Variants in CLIP1 observed in about 807,000 individuals in gnomAD.
CLIP1 encodes the protein CAP-Gly domain-containing linker protein 1.
In CLIP1, 66 loss-of-function variants were observed where a neutral mutation model predicts 161.6. The observed-to-expected ratio is 0.41, with a 90% CI of 0.33 to 0.50. CLIP1 has a LOEUF of 0.50. Among genes scored for constraint, CLIP1 ranks in the 20% least tolerant of loss-of-function variants. The pLI, the probability that CLIP1 is intolerant of heterozygous loss-of-function variation, is 0.27. For missense variants in CLIP1, 1,376 were observed against 1,702.0 expected (o/e 0.81, Z 3.37); for synonymous variants, 598 against 626.2 (o/e 0.96, Z 0.67).
chr12:122,362,789 A>AG (rs1298465133), intron 4 of CLIP1, among the ~76,000 whole-genome samples: 1 of 148,696 alleles, frequency 6.7e-6, no homozygotes, highest in East Asian at 2.0e-4. Context: ...ACGGCATTGG[A>AG]GGGAAAAAAA....
At chr12:122,400,290 A>T (rs1318154013) in intron 1 of CLIP1, 1 of 152,138 alleles carries the variant, frequency 6.6e-6, no homozygotes, top group African/African-American at 2.4e-5. Context: ...ATTTTCTTCA[A>T]TTCTTGAGTA....
Position 122,380,427 on chromosome 12 carries a change from A to G in CLIP1, c.26T>C (p.Leu9Pro). 6.2e-7 allele frequency: 1 copy of G among 1,613,450 alleles called. No individual in the cohort carries two copies. Among genetic ancestry groups the G allele is most frequent in the Non-Finnish European group, 8.5e-7 (1 of 1,179,638 alleles). The change falls in exon 2 of 26, where the codon CTT becomes CCT. Residue 9 changes from leucine to proline, a missense_variant. By Grantham distance (98) the Leu-to-Pro change is moderately conservative (BLOSUM62 -3). Around this residue, in one of 6 missense-constraint regions of CLIP1, gnomAD observed 66 missense variants for 67.8 expected, o/e 0.97. Coordinates refer to ENST00000620786, the MANE Select transcript of CLIP1 (RefSeq NM_001247997.2). ...CTTCAGGATCTTGGTGGGGGCCTTA[A>G]GCCCACTTGGCTTTAGCATACTCAT... Reference protein sequence around the residue: MSMLKPSGLKAPTKILKPG... With the variant: MSMLKPSGPKAPTKILKPG...
intron 20 of CLIP1, among the ~76,000 whole-genome samples, chr12:122,296,451 G>C (rs907935190): frequency 3.3e-5 from 5 of 152,130 alleles, no homozygotes; most frequent in Non-Finnish European, 7.4e-5. Flanking sequence ...ATATGCATTT[G>C]CATATGCTGG....
chr12:122,332,618 G>A (rs527443505), intron 15 of CLIP1, among the ~76,000 whole-genome samples: 71 of 152,052 alleles, frequency 4.7e-4, no homozygotes, highest in Non-Finnish European at 8.2e-4. Flanking sequence ...ACAAGGTTTC[G>A]CCATGTTGGC....
At chr12:122,401,389 G>A (rs949885620) in intron 1 of CLIP1, among the ~76,000 whole-genome samples, 1 of 152,182 alleles carries the variant, frequency 6.6e-6, no homozygotes, top group African/African-American at 2.4e-5. Context: ...ATAAAAAGTA[G>A]GTCAATGGGC....
Position 122,311,510 on chromosome 12 carries a change from C to T in CLIP1, c.3474-1628G>A, listed in dbSNP as rs1281647417. On this transcript the variant is annotated intron_variant, in intron 19 of 25. Coordinates refer to ENST00000620786, the MANE Select transcript of CLIP1 (RefSeq NM_001247997.2). This position sits in a 1 kb window ranked among gnomAD's most constrained non-coding sequence, Gnocchi z 4.3. The stretch of plus-strand genomic sequence containing the variant: ...CACGAACTCGGCTCACTGCAAGCTC[C>T]ACCTCCCAGGTTCACGCCATTCTCC... Among the ~76,000 whole-genome samples the T allele has an allele frequency of 1.3e-5, 2 of 151,980 alleles. No individual in the cohort carries two copies. The highest frequency in any genetic ancestry group is 6.6e-5 in the Admixed American group (1 of 15,254).
chr12:122,420,321 G>A (rs1173257578), intron 1 of CLIP1, among the ~76,000 whole-genome samples: 2 of 151,586 alleles, frequency 1.3e-5, no homozygotes, highest in African/African-American at 4.9e-5. Context: ...CTCCAGCCTA[G>A]GCAACAAGAG....
In CLIP1 at chr12:122,336,758, A is replaced by G. The variant is rs1211641792; in HGVS notation, c.2452-10T>C. On this transcript the variant is annotated splice_polypyrimidine_tract_variant and intron_variant, in intron 11 of 25. Transcript: ENST00000620786. ...TGGTAATGCTACTAGCCTAACACAC[A>G]GTGTTACATGGTATAGAAGCAAATG... is the stretch of plus-strand genomic sequence containing the variant. 3 of 1,287,346 alleles carry G rather than the reference A, an allele frequency of 2.3e-6. No homozygotes were observed. The highest frequency in any genetic ancestry group is 3.3e-6 in the Non-Finnish European group (3 of 902,838). The allele number at this position is 1,287,346 out of a possible 1,614,324, so 79.7% of individuals were successfully genotyped here.
At chr12:122,361,545 G>C (rs559494408) in intron 4 of CLIP1, among the ~76,000 whole-genome samples, 6 of 152,338 alleles carry the variant, frequency 3.9e-5, no homozygotes, top group Admixed American at 6.5e-5. Context: ...AAATCAAACA[G>C]GCACCTAACT....
At chr12:122,340,614 C>G (rs548062538) in intron 11 of CLIP1, 139 bp downstream of exon 11, 1 of 663,726 alleles carries the variant, frequency 1.5e-6, no homozygotes, top group Admixed American at 3.0e-5. Context: ...GAACATACTA[C>G]ACTATACTCA....
chr12:122,332,894 G>C (rs550529772), intron 15 of CLIP1, 93 bp downstream of exon 15: 92 of 1,000,024 alleles, frequency 9.2e-5, no homozygotes, highest in Non-Finnish European at 1.3e-4. Context: ...ACTTTAAAAC[G>C]TAACAATCCT....
At chr12:122,298,687 A>G (rs1950564174) in intron 20 of CLIP1, among the ~76,000 whole-genome samples, 1 of 152,060 alleles carries the variant, frequency 6.6e-6, no homozygotes. Context: ...GTGGTGGCAC[A>G]TGCCTGTCTG....
chr12:122,315,570 T>C (rs146189933), intron 19 of CLIP1, among the ~76,000 whole-genome samples: 70 of 152,248 alleles, frequency 4.6e-4, no homozygotes, highest in Non-Finnish European at 9.3e-4. Context: ...AACAAATTGA[T>C]GTGTAAACCT....
Position 122,278,961 on chromosome 12 carries a change from G to A in CLIP1, c.3766-19C>T. On this transcript the variant is annotated intron_variant, in intron 22 of 25. Transcript: ENST00000620786. ...CTGTGACCTGAAACACAGTTGTTTA[G>A]CTTAGGCTGAGGGTTTGAACGAAAG... 1 of 1,603,980 alleles carries A rather than the reference G, an allele frequency of 6.2e-7. No individual in the cohort carries two copies. Among genetic ancestry groups the A allele is most frequent in the Non-Finnish European group, 8.5e-7 (1 of 1,176,034 alleles).
At position 122,341,537 on chromosome 12, in the gene CLIP1, T is replaced by G. The variant is rs768681700; in HGVS notation, c.1667A>C (p.Gln556Pro). 1 of 1,614,138 alleles carries G rather than the reference T, an allele frequency of 6.2e-7. No individual in the cohort carries two copies. The highest frequency in any genetic ancestry group is 8.5e-7 in the Non-Finnish European group (1 of 1,180,022). The change falls in exon 11 of 26, where the codon CAA becomes CCA. Residue 556 changes from glutamine to proline, a missense_variant. Transcript: ENST00000620786. ...AGTACGGGTGACTTCTAACTTTTCTTGCAAAGAGCTTATCTCTTGCAAAAG... is the reference window on the plus strand; with the variant it reads ...AGTACGGGTGACTTCTAACTTTTCTGGCAAAGAGCTTATCTCTTGCAAAAG... ...LSLLQEISSL[Q>P]EKLEVTRTDH... is the part of the protein sequence containing the mutation.
Position 122,375,750 on chromosome 12 carries a change from C to A in CLIP1, c.657+1639G>T, listed in dbSNP as rs568905487. Reference sequence around the variant, plus strand: ...AAAAATCAGAAGGGGAAAAAAAATCCAATTTTTATAAACACATCTAAGTTC... The same window carrying A: ...AAAAATCAGAAGGGGAAAAAAAATCAAATTTTTATAAACACATCTAAGTTC... On this transcript the variant is annotated intron_variant, in intron 3 of 25. Coordinates refer to ENST00000620786, the MANE Select transcript of CLIP1 (RefSeq NM_001247997.2). Among the ~76,000 whole-genome samples the A allele has an allele frequency of 6.6e-5, 10 of 151,604 alleles. No homozygotes were observed. The South Asian group carries it at 2.1e-3, about 32-fold the overall frequency.
chr12:122,408,591 AC>A (rs1212734406), intron 1 of CLIP1, among the ~76,000 whole-genome samples: 2 of 151,684 alleles, frequency 1.3e-5, no homozygotes, highest in African/African-American at 2.4e-5. Flanking sequence ...CTCGTGATCC[AC>A]CCACCTCGGC....
chr12:122,402,686 G>T (rs1488464937), intron 1 of CLIP1, among the ~76,000 whole-genome samples: 2 of 152,118 alleles, frequency 1.3e-5, no homozygotes, highest in Non-Finnish European at 2.9e-5. Context: ...TGAGGCAGGA[G>T]AATTGCTTGA....
chr12:122,326,834 T>A (rs1951729054), intron 17 of CLIP1, among the ~76,000 whole-genome samples: 1 of 152,116 alleles, frequency 6.6e-6, no homozygotes, highest in Non-Finnish European at 1.5e-5. Flanking sequence ...TTGTATCTAG[T>A]GTTAAATGGC....
Sources: gnomAD v4.1 joint callset for allele counts (sites outside exome capture counted in the v4.1 genomes callset) on GRCh38, gnomAD v4.1.1 for gene constraint, gnomAD v4.1.1 regional missense constraint, Gnocchi (gnomAD v3.1) non-coding constraint, MANE v1.5 for transcripts, NCBI Gene and HGNC (gene_info 2026-07-23, HGNC 2026-07-21) for gene names.